The following LUC7L3 variants were observed in gnomAD, a reference collection of about 807,000 sequenced individuals.
LUC7L3 encodes the protein LUC7 like 3 pre-mRNA splicing factor.
In LUC7L3, 6 loss-of-function variants were observed where a neutral mutation model predicts 66.8. The observed-to-expected ratio is 0.09, with a 90% CI of 0.05 to 0.18. LUC7L3 has a LOEUF of 0.18. Ranked by LOEUF, LUC7L3 falls within the 10% of genes least tolerant of loss-of-function variation. LUC7L3 has a pLI of 1.00. For synonymous variants in LUC7L3, 160 were observed against 174.7 expected (o/e 0.92, Z 0.66); for missense variants, 341 against 531.1 (o/e 0.64, Z 3.52).
intron 1 of LUC7L3, chr17:50,724,111 A>G (rs937058736): frequency 6.4e-6 from 2 of 313,098 alleles, no homozygotes; most frequent in Non-Finnish European, 1.3e-5. Context: ...CAATTTAGCA[A>G]TATTAGCACA....
chr17:50,743,446 T>G (rs1369372736), intron 5 of LUC7L3, among the ~76,000 whole-genome samples: 1 of 152,136 alleles, frequency 6.6e-6, no homozygotes, highest in African/African-American at 2.4e-5. Flanking sequence ...CCTCAGGTGA[T>G]CTGCCCACCT....
At position 50,719,605 on chromosome 17, in the gene LUC7L3, C is replaced by T. The variant is rs902564725; in HGVS notation, c.-128C>T. The T allele has an allele frequency of 5.9e-5, 42 of 710,902 alleles. No individual in the cohort carries two copies. Among genetic ancestry groups the T allele is most frequent in the Admixed American group, 2.8e-4 (10 of 35,498 alleles). The allele number at this position is 710,902 out of a possible 1,614,324, so 44.0% of individuals were successfully genotyped here. On this transcript the variant is annotated 5_prime_UTR_variant, in exon 1 of 10. Transcript: ENST00000505658. ...GGCGTCCGCGCGGCGGCCATTTTGT[C>T]TTGTCGGCTCCTGTGTGTAGGAGGG...
At chr17:50,720,560 A>T (rs192439194) in intron 1 of LUC7L3, among the ~76,000 whole-genome samples, 1 of 152,228 alleles carries the variant, frequency 6.6e-6, no homozygotes, top group South Asian at 2.1e-4. Flanking sequence ...CCACAATCCT[A>T]TGAAACTGGT....
chr17:50,741,199 C>A lies in LUC7L3; in HGVS notation c.304C>A (p.Arg102=), dbSNP rs1193755336. The A allele has an allele frequency of 1.9e-6, 3 of 1,614,144 alleles. No individual in the cohort carries two copies. The change falls in exon 4 of 10, where the codon CGA becomes AGA. Residue 102 remains arginine (R), a synonymous_variant. Coordinates refer to ENST00000505658, the MANE Select transcript of LUC7L3 (RefSeq NM_016424.5). ...TGCAGAAGTAGAACGTAGGATCAGA[C>A]GAGGCCATGCTCGTTTGGCATTATC... ...LLAEVERRIR[R]GHARLALSQN...
chr17:50,728,743 G>A lies in LUC7L3; in HGVS notation c.100-8217G>A, dbSNP rs190280892. On this transcript the variant is annotated intron_variant, in intron 1 of 9. Coordinates refer to ENST00000505658, the MANE Select transcript of LUC7L3 (RefSeq NM_016424.5). ...TAATTTTTGTATTTTTAGTAGAGAC[G>A]GCGTTTCGCCATTTTGGCCAGGCAG... 2.0e-4 allele frequency among the ~76,000 whole-genome samples: 31 copies of A among 152,226 alleles called. No individual in the cohort carries two copies. The East Asian group carries it at 3.7e-3, about 18-fold the overall frequency.
At chr17:50,731,238 A>G (rs1969587145) in intron 1 of LUC7L3, among the ~76,000 whole-genome samples, 1 of 152,102 alleles carries the variant, frequency 6.6e-6, no homozygotes, top group Non-Finnish European at 1.5e-5. Flanking sequence ...GTGCGATCTC[A>G]GCTAACTGCA....
At chr17:50,731,030 AG>A (rs1440190932) in intron 1 of LUC7L3, among the ~76,000 whole-genome samples, 2 of 152,214 alleles carry the variant, frequency 1.3e-5, no homozygotes, top group Non-Finnish European at 2.9e-5. Context: ...ATGATTATGT[AG>A]GTATTTAGAG....
At chr17:50,724,090 G>A in intron 1 of LUC7L3, 2 of 355,582 alleles carry the variant, frequency 5.6e-6, no homozygotes, top group South Asian at 3.9e-5. Context: ...AACTCCCCAT[G>A]TACCCATGCC....
rs1438004824 is a variant in LUC7L3, at chr17:50,732,483, A to G, written c.100-4477A>G. Among the ~76,000 whole-genome samples the G allele has an allele frequency of 2.6e-5, 4 of 151,952 alleles. No homozygotes were observed. The East Asian group carries it at 7.7e-4, about 29-fold the overall frequency. On this transcript the variant is annotated intron_variant, in intron 1 of 9. Coordinates refer to ENST00000505658, the MANE Select transcript of LUC7L3 (RefSeq NM_016424.5). Reference sequence around the variant, plus strand: ...TGCAGCCTCAACCTCCTGGGCTCCAACGACCCTTCCACCCTAGCCACCCAA... The same window carrying G: ...TGCAGCCTCAACCTCCTGGGCTCCAGCGACCCTTCCACCCTAGCCACCCAA...
At chr17:50,725,269 G>A (rs569247791) in intron 1 of LUC7L3, among the ~76,000 whole-genome samples, 356 of 152,224 alleles carry the variant, frequency 2.3e-3, no homozygotes, top group Non-Finnish European at 4.4e-3. Flanking sequence ...AATTAGCCAG[G>A]TGTGGTGGCG....
chr17:50,723,117 A>C (rs756732666), intron 1 of LUC7L3: 1 of 152,176 alleles, frequency 6.6e-6, no homozygotes, highest in African/African-American at 2.4e-5. Flanking sequence ...GTAAATTGTA[A>C]AGTCTGATCG....
intron 1 of LUC7L3, among the ~76,000 whole-genome samples, chr17:50,725,012 C>T (rs1408711292): frequency 1.3e-5 from 2 of 152,146 alleles, no homozygotes; most frequent in African/African-American, 4.8e-5. Flanking sequence ...CCTCCCTCGG[C>T]CTCCCAAAGT....
In LUC7L3 at chr17:50,749,661, G is replaced by T. The variant is rs1014116946; in HGVS notation, c.1139-840G>T. Among the ~76,000 whole-genome samples, 3 of 152,250 alleles carry T rather than the reference G, an allele frequency of 2.0e-5. No homozygotes were observed. The East Asian group carries it at 5.8e-4, about 29-fold the overall frequency. On this transcript the variant is annotated intron_variant, in intron 9 of 9. Transcript: ENST00000505658. ...TACTCTGCCAGACCAGCTATTCTTA[G>T]TAAGGGGAAAAGTAATTTTTCCAGA...
rs928362193 is a variant in LUC7L3, at chr17:50,754,321, A to G, written c.*3660A>G. ...ATTAACCTCTGTTAACTCATCACCA[A>G]CAAGACTCATGACCACTTTTATACT... On this transcript the variant is annotated 3_prime_UTR_variant, in exon 10 of 10. Coordinates refer to ENST00000505658, the MANE Select transcript of LUC7L3 (RefSeq NM_016424.5). 2 of 152,188 alleles carry G rather than the reference A, an allele frequency of 1.3e-5. No individual in the cohort carries two copies. Among genetic ancestry groups the G allele is most frequent in the Non-Finnish European group, 2.9e-5 (2 of 68,032 alleles). The allele number at this position is 152,188 out of a possible 1,614,324, so 9.4% of individuals were successfully genotyped here. A position where few individuals can be genotyped will look rare whatever the true frequency, so the allele number is the denominator to read the frequency against.
In LUC7L3 at chr17:50,739,802, A is replaced by G. The variant is rs116890124; in HGVS notation, c.167-504A>G. 4.9e-3 allele frequency among the ~76,000 whole-genome samples: 751 copies of G among 152,344 alleles called. 3 individuals are homozygous for G. The highest frequency in any genetic ancestry group is 6.7e-3 in the Non-Finnish European group (456 of 68,028). On this transcript the variant is annotated intron_variant, in intron 2 of 9. Transcript: ENST00000505658. Reference sequence around the variant, plus strand: ...AAATTTTGATGTCTAGGATTGATAAATAGCAAAATAAGCATAGAATTTTAA... The same window carrying G: ...AAATTTTGATGTCTAGGATTGATAAGTAGCAAAATAAGCATAGAATTTTAA...
At chr17:50,733,069 C>T (rs1487011628) in intron 1 of LUC7L3, among the ~76,000 whole-genome samples, 1 of 152,032 alleles carries the variant, frequency 6.6e-6, no homozygotes, top group Admixed American at 6.6e-5. Flanking sequence ...TCTTACCTAC[C>T]TTAAACTTAC....
At chr17:50,741,783 C>T in intron 5 of LUC7L3, 52 bp downstream of exon 5, 1 of 1,418,272 alleles carries the variant, frequency 7.1e-7, no homozygotes, top group Non-Finnish European at 1.0e-6. Context: ...AGACATGTAA[C>T]CAGCAAAAAT....
Position 50,743,616 on chromosome 17 carries a change from G to A in LUC7L3, c.427-90G>A, listed in dbSNP as rs1970487743. 41 of 779,086 alleles carry A rather than the reference G, an allele frequency of 5.3e-5. No homozygotes were observed. The South Asian group carries it at 6.5e-4, about 12-fold the overall frequency. The allele number at this position is 779,086 out of a possible 1,614,324, so 48.3% of individuals were successfully genotyped here. The stretch of plus-strand genomic sequence containing the variant: ...GTAAATGAAACCAAACAAAAAAGAT[G>A]GAAAACAACCACTAATGAACCATGG... On this transcript the variant is annotated intron_variant, in intron 5 of 9. Coordinates refer to ENST00000505658, the MANE Select transcript of LUC7L3 (RefSeq NM_016424.5).
At chr17:50,725,497 T>C (rs1969120752) in intron 1 of LUC7L3, among the ~76,000 whole-genome samples, 1 of 152,226 alleles carries the variant, frequency 6.6e-6, no homozygotes, top group South Asian at 2.1e-4. Context: ...CCATCATGTA[T>C]TGGTGACAGT....
Sources: gnomAD v4.1 joint callset for allele counts (sites outside exome capture counted in the v4.1 genomes callset) on GRCh38, gnomAD v4.1.1 for gene constraint, MANE v1.5 for transcripts, NCBI Gene and HGNC (gene_info 2026-07-23, HGNC 2026-07-21) for gene names.